Variants in KREMEN2 observed in about 807,000 individuals in gnomAD.
The protein encoded by KREMEN2 is kringle containing transmembrane protein 2, also known as kremen protein 2.
A neutral mutation model predicts 49.8 loss-of-function variants in KREMEN2; 43 were observed. The observed-to-expected ratio is 0.86, with a 90% CI of 0.68 to 1.11. The LOEUF (loss-of-function observed/expected upper bound fraction) is 1.11, where lower values mean the gene tolerates loss of function less well. KREMEN2 is among the 50% of genes most tolerant of loss of function. The probability of loss-of-function intolerance (pLI) is 0.00; values close to 1 mark genes in which losing one functional copy is unlikely to be tolerated. For missense variants in KREMEN2, 686 were observed against 665.7 expected, an observed-to-expected ratio of 1.03 and a Z score of -0.34; for synonymous variants, 355 against 304.9, an observed-to-expected ratio of 1.16 and a Z score of -1.71.
Position 2,964,373 on chromosome 16 carries a change from AC to A in KREMEN2, c.-144del. 2 of 584,110 alleles carry A rather than the reference AC, an allele frequency of 3.4e-6. No homozygotes were observed. The highest frequency in any genetic ancestry group is 6.0e-6 in the Non-Finnish European group (2 of 331,426). The allele number at this position is 584,110 out of a possible 1,614,324, so 36.2% of individuals were successfully genotyped here. Reference sequence around the variant, plus strand: ...AAAGACCCCCAGGAGAGATTTACCCACCCCAGACGGAAAGCGCGGCTCAGAG... The same window carrying A: ...AAAGACCCCCAGGAGAGATTTACCCACCCAGACGGAAAGCGCGGCTCAGAG... On this transcript the variant is annotated 5_prime_UTR_variant, in exon 1 of 9. Coordinates refer to ENST00000303746, the MANE Select transcript of KREMEN2 (RefSeq NM_172229.3).
intron 2 of KREMEN2, among the ~76,000 whole-genome samples, chr16:2,965,666 G>T (rs1035015440): frequency 5.4e-4 from 82 of 152,116 alleles, no homozygotes; most frequent in Middle Eastern, 3.4e-3. Context: ...AGCTACTCAG[G>T]AGGCTGAGGC....
Position 2,968,200 on chromosome 16 carries a change from T to C in KREMEN2, c.*180T>C. The C allele has an allele frequency of 1.1e-6, 1 of 906,146 alleles. No homozygotes were observed. The highest frequency in any genetic ancestry group is 1.7e-6 in the Non-Finnish European group (1 of 588,648). The allele number at this position is 906,146 out of a possible 1,614,324, so 56.1% of individuals were successfully genotyped here. Reference sequence around the variant, plus strand: ...TATTATCTGGGACTTGGCCTGACCGTGGGGGTCCAGATGGTCCAGGCCCTC... The same window carrying C: ...TATTATCTGGGACTTGGCCTGACCGCGGGGGTCCAGATGGTCCAGGCCCTC... On this transcript the variant is annotated 3_prime_UTR_variant, in exon 9 of 9. Coordinates refer to ENST00000303746, the MANE Select transcript of KREMEN2 (RefSeq NM_172229.3).
chr16:2,967,055 C>T lies in KREMEN2; in HGVS notation c.786C>T (p.Leu262=), dbSNP rs999471824. ...PGAALELTFR[L]FELADPRDRL... is the part of the protein sequence containing the mutation. ...CCGCGCTGGAGCTCACCTTCCGCCTCTTCGAGCTGGCCGACCCGCGCGACC... is the reference window on the plus strand; with the variant it reads ...CCGCGCTGGAGCTCACCTTCCGCCTTTTCGAGCTGGCCGACCCGCGCGACC... The change falls in exon 6 of 9, where the codon CTC becomes CTT. Residue 262 remains leucine, a synonymous_variant. Coordinates refer to ENST00000303746, the MANE Select transcript of KREMEN2 (RefSeq NM_172229.3). The T allele has an allele frequency of 9.1e-6, 14 of 1,533,734 alleles. No individual in the cohort carries two copies. The highest frequency in any genetic ancestry group is 2.5e-5 in the East Asian group (1 of 39,646).
intron 2 of KREMEN2, among the ~76,000 whole-genome samples, chr16:2,965,269 A>G (rs2151054379): frequency 6.6e-6 from 1 of 152,174 alleles, no homozygotes; most frequent in Admixed American, 6.5e-5. Context: ...GCTCCAGTTC[A>G]GGGCCAGGAG....
Position 2,968,154 on chromosome 16 carries a change from C to T in KREMEN2, c.*134C>T. The stretch of plus-strand genomic sequence containing the variant: ...TGGTCGCCTTGGGGAGACCAAAAGT[C>T]GGACAGGAAACATCTGGTGCTATTA... On this transcript the variant is annotated 3_prime_UTR_variant, in exon 9 of 9. Transcript: ENST00000303746. The T allele has an allele frequency of 1.9e-6, 2 of 1,038,024 alleles. No homozygotes were observed. The highest frequency in any genetic ancestry group is 1.4e-5 in the South Asian group (1 of 72,344). 64.3% of individuals were successfully genotyped at this position (1,038,024 alleles called of 1,614,324 possible). A position where few individuals can be genotyped will look rare whatever the true frequency, so the allele number is the denominator to read the frequency against.
Position 2,966,063 on chromosome 16 carries a change from G to C in KREMEN2, c.270-77G>C. ...CACAGAGCCTTGAAGGCCACTTTGA[G>C]CATAGGCTGCGGGGCCGGGCCTGGG... On this transcript the variant is annotated intron_variant, in intron 2 of 8. Transcript: ENST00000303746. This position sits in a 1 kb window ranked among gnomAD's most constrained non-coding sequence, Gnocchi z 8.4. 1 of 1,321,360 alleles carries C rather than the reference G, an allele frequency of 7.6e-7. No individual in the cohort carries two copies. Among genetic ancestry groups the C allele is most frequent in the Non-Finnish European group, 1.1e-6 (1 of 922,634 alleles). The allele number at this position is 1,321,360 out of a possible 1,614,324, so 81.9% of individuals were successfully genotyped here. A position where few individuals can be genotyped will look rare whatever the true frequency, so the allele number is the denominator to read the frequency against.
At position 2,964,493 on chromosome 16, in the gene KREMEN2, G is replaced by A. The variant is rs368338199; in HGVS notation, c.-28G>A. 4.0e-6 allele frequency: 6 copies of A among 1,511,666 alleles called. No homozygotes were observed. Among genetic ancestry groups the A allele is most frequent in the African/African-American group, 2.8e-5 (2 of 70,524 alleles). The allele number at this position is 1,511,666 out of a possible 1,614,324, so 93.6% of individuals were successfully genotyped here. On this transcript the variant is annotated 5_prime_UTR_variant, in exon 1 of 9. Transcript: ENST00000303746. The stretch of plus-strand genomic sequence containing the variant: ...GGGGCAGCCCGGGCCGTGTCCGGGC[G>A]AGGGTGACCTATCCTTGGTTGAGAG...
intron 1 of KREMEN2, 53 bp from the exon 2 acceptor site, chr16:2,964,806 G>A: frequency 6.3e-7 from 1 of 1,587,140 alleles, no homozygotes; most frequent in Non-Finnish European, 8.6e-7. Context: ...GTAGGGGCGC[G>A]AGGATGCCCG....
At position 2,968,119 on chromosome 16, in the gene KREMEN2, G is replaced by T. The variant is rs1003559589; in HGVS notation, c.*99G>T. On this transcript the variant is annotated 3_prime_UTR_variant, in exon 9 of 9. Transcript: ENST00000303746. ...TCGGCCTTGCGCCTGTGTAGGGGCA[G>T]CTCGGCCTCTGGTCGCCTTGGGGAG... 7.8e-7 allele frequency: 1 copy of T among 1,280,272 alleles called. No individual in the cohort carries two copies. The highest frequency in any genetic ancestry group is 2.5e-5 in the East Asian group (1 of 39,738). 79.3% of individuals were successfully genotyped at this position (1,280,272 alleles called of 1,614,324 possible).
chr16:2,968,348 CCA>C lies in KREMEN2; in HGVS notation c.*331_*332del. The C allele has an allele frequency of 6.5e-7, 1 of 1,535,270 alleles. No individual in the cohort carries two copies. The highest frequency in any genetic ancestry group is 2.4e-5 in the East Asian group (1 of 40,916). Reference sequence around the variant, plus strand: ...GTCAGCAAAAACAGTCAAAAAACCCCCACAGATTTTGAATAAAGGATCTACTT... The same window carrying C: ...GTCAGCAAAAACAGTCAAAAAACCCCCAGATTTTGAATAAAGGATCTACTT... On this transcript the variant is annotated 3_prime_UTR_variant, in exon 9 of 9. Coordinates refer to ENST00000303746, the MANE Select transcript of KREMEN2 (RefSeq NM_172229.3).
Position 2,966,455 on chromosome 16 carries a change from G to A in KREMEN2, c.486+6G>A, listed in dbSNP as rs1165720391. On this transcript the variant is annotated splice_donor_region_variant and intron_variant, in intron 4 of 8. Coordinates refer to ENST00000303746, the MANE Select transcript of KREMEN2 (RefSeq NM_172229.3). The surrounding 1 kb of genome is among the most constrained non-coding windows in gnomAD (Gnocchi z 8.4). ...GCCGCATGAAGGGGTACCAGGTACT[G>A]CTCACGGGCCCAGACCAGTGACCCC... is the stretch of plus-strand genomic sequence containing the variant. 1.9e-6 allele frequency: 3 copies of A among 1,609,804 alleles called. No homozygotes were observed. Among genetic ancestry groups the A allele is most frequent in the East Asian group, 4.5e-5 (2 of 44,870 alleles).
rs762823085 is a variant in KREMEN2 at position 2,964,870 on chromosome 16, T to A, written c.106T>A (p.Cys36Ser). 2.5e-6 allele frequency: 4 copies of A among 1,610,870 alleles called. No individual in the cohort carries two copies. The South Asian group carries it at 4.4e-5, about 18-fold the overall frequency. The change falls in exon 2 of 9, where the codon TGC becomes AGC. Residue 36 changes from cysteine (C) to serine (S), a missense_variant. Transcript: ENST00000303746. ...CCTTTGCCGTGCAGGCCTGTCCGAA[T>A]GCTTCCAGGTGAATGGGGCTGACTA... The part of the protein sequence containing the change: ...GSLHSPGLSE[C>S]FQVNGADYRG...
chr16:2,965,711 C>T (rs2071803919), intron 2 of KREMEN2, among the ~76,000 whole-genome samples: 1 of 148,884 alleles, frequency 6.7e-6, no homozygotes, highest in Non-Finnish European at 1.5e-5. Flanking sequence ...GCGGAGCTTG[C>T]AGTGAGCAGA....
Position 2,966,143 on chromosome 16 carries a change from C to T in KREMEN2, c.273C>T (p.Asn91=). 1.2e-6 allele frequency: 2 copies of T among 1,611,774 alleles called. No homozygotes were observed. Among genetic ancestry groups the T allele is most frequent in the Non-Finnish European group, 1.7e-6 (2 of 1,179,834 alleles). ...ACCACCTCCCTCCCACCCGCAGTAA[C>T]CCAGACGGTGACGTGCAGCCGTGGT... is the stretch of plus-strand genomic sequence containing the variant. ...WGLGAHNFCR[N]PDGDVQPWCY... is the part of the protein sequence containing the mutation. The change falls in exon 3 of 9, where the codon AAC becomes AAT. Residue 91 remains asparagine, a synonymous_variant. Coordinates refer to ENST00000303746, the MANE Select transcript of KREMEN2 (RefSeq NM_172229.3). The surrounding 1 kb of genome is among the most constrained non-coding windows in gnomAD (Gnocchi z 8.4).
chr16:2,966,896 G>C lies in KREMEN2; in HGVS notation c.641-14G>C, dbSNP rs781405338. The C allele has an allele frequency of 1.2e-5, 18 of 1,540,892 alleles. No individual in the cohort carries two copies. Among genetic ancestry groups the C allele is most frequent in the Non-Finnish European group, 1.6e-5 (18 of 1,142,012 alleles). On this transcript the variant is annotated splice_polypyrimidine_tract_variant and intron_variant, in intron 5 of 8. Coordinates refer to ENST00000303746, the MANE Select transcript of KREMEN2 (RefSeq NM_172229.3). The surrounding 1 kb of genome is among the most constrained non-coding windows in gnomAD (Gnocchi z 8.4). ...CCTGGTCCTCAGGATGCTGACTGCCGGCCCCGCCCGCAGTGTCGGTGGGCT... is the reference window on the plus strand; with the variant it reads ...CCTGGTCCTCAGGATGCTGACTGCCCGCCCCGCCCGCAGTGTCGGTGGGCT...
At position 2,966,922 on chromosome 16, in the gene KREMEN2, C is replaced by A. The variant is rs2071835645; in HGVS notation, c.653C>A (p.Ser218Tyr). 3 of 1,548,272 alleles carry A rather than the reference C, an allele frequency of 1.9e-6. No individual in the cohort carries two copies. The highest frequency in any genetic ancestry group is 2.3e-5 in the East Asian group (1 of 42,778). Residue 218 changes from serine to tyrosine, a missense_variant, in exon 6 of 9, where the codon TCC becomes TAC. Transcript: ENST00000303746. This position sits in a 1 kb window ranked among gnomAD's most constrained non-coding sequence, Gnocchi z 8.4. ...RLGVYEVSVGSCQGNWTAPQG... is the reference protein window; with the variant it reads ...RLGVYEVSVGYCQGNWTAPQG... ...GCCCCGCCCGCAGTGTCGGTGGGCT[C>A]CTGCCAGGGGAACTGGACAGCGCCT...
chr16:2,966,536 C>T lies in KREMEN2; in HGVS notation c.486+87C>T. 6.3e-7 allele frequency: 1 copy of T among 1,585,114 alleles called. No individual in the cohort carries two copies. The highest frequency in any genetic ancestry group is 8.5e-7 in the Non-Finnish European group (1 of 1,169,894). On this transcript the variant is annotated intron_variant, in intron 4 of 8. Coordinates refer to ENST00000303746, the MANE Select transcript of KREMEN2 (RefSeq NM_172229.3). This position sits in a 1 kb window ranked among gnomAD's most constrained non-coding sequence, Gnocchi z 8.4. ...CCAACACTCGGTTGCCAAACCCAGA[C>T]ACCGGTTTCTGAACCTCCAGCCCGA...
Position 2,968,012 on chromosome 16 carries a change from GCTCT to G in KREMEN2, c.1384_1387del (p.Leu462AspfsTer18), listed in dbSNP as rs771223154. 13 of 1,558,470 alleles carry G rather than the reference GCTCT, an allele frequency of 8.3e-6. No individual in the cohort carries two copies. Among genetic ancestry groups the G allele is most frequent in the Non-Finnish European group, 1.0e-5 (12 of 1,158,610 alleles). On this transcript the variant is annotated frameshift_variant, in exon 9 of 9. Transcript: ENST00000303746. LOFTEE classifies it high-confidence loss of function. Reference sequence around the variant, plus strand: ...GAGCTCCCTGCGCTCGCTCATCTCCGCTCTCTGACTCTGGGCCCCGAGGGTCCGC... The same window carrying G: ...GAGCTCCCTGCGCTCGCTCATCTCCGCTGACTCTGGGCCCCGAGGGTCCGC...
chr16:2,965,161 T>TG (rs1396466287), intron 2 of KREMEN2, 128 bp downstream of exon 2: 3 of 14,444 alleles, frequency 2.1e-4, no homozygotes, highest in Non-Finnish European at 9.8e-5. Flanking sequence ...CTGGAGAACC[T>TG]GGGGGCGGGG....
Sources: gnomAD v4.1 joint callset for allele counts (sites outside exome capture counted in the v4.1 genomes callset) on GRCh38, gnomAD v4.1.1 for gene constraint, Gnocchi (gnomAD v3.1) non-coding constraint, MANE v1.5 for transcripts, NCBI Gene and HGNC (gene_info 2026-07-23, HGNC 2026-07-21) for gene names.